The following PLIN3 variants were observed in gnomAD, a reference collection of about 807,000 sequenced individuals.
PLIN3 encodes the protein perilipin 3, also known as perilipin-3.
In PLIN3, 30 loss-of-function variants were observed where a neutral mutation model predicts 35.9. The ratio of observed to expected loss-of-function variants is 0.84; its 90% CI spans 0.62 to 1.13. The LOEUF is 1.13. PLIN3 is among the 50% of genes most tolerant of loss of function. PLIN3 has a pLI of 0.00. For synonymous variants in PLIN3, 261 were observed against 262.5 expected (o/e 0.99, Z 0.06); for missense variants, 603 against 596.9 (o/e 1.01, Z -0.11).
intron 7 of PLIN3, among the ~76,000 whole-genome samples, chr19:4,843,184 T>C (rs2029960291): frequency 6.6e-6 from 1 of 151,358 alleles, no homozygotes; most frequent in South Asian, 2.1e-4. Context: ...ATTGTGCCAC[T>C]GCACTCCAGC....
intron 7 of PLIN3, among the ~76,000 whole-genome samples, chr19:4,842,302 G>A (rs1448030625): frequency 1.3e-5 from 2 of 152,044 alleles, no homozygotes; most frequent in African/African-American, 2.4e-5. Context: ...GGTTGCAGGC[G>A]CCTGTAATCC....
intron 6 of PLIN3, among the ~76,000 whole-genome samples, chr19:4,845,358 G>A (rs1568373830): frequency 1.3e-5 from 2 of 151,960 alleles, no homozygotes; most frequent in African/African-American, 2.4e-5. Context: ...CCTGGGAGGC[G>A]GAGGTTGCAG....
intron 5 of PLIN3, among the ~76,000 whole-genome samples, chr19:4,850,702 T>C (rs1686344916): frequency 6.7e-6 from 1 of 149,734 alleles, no homozygotes; most frequent in Admixed American, 6.8e-5. Context: ...CCCAAAGTGC[T>C]GGGATTACAG....
intron 7 of PLIN3, among the ~76,000 whole-genome samples, chr19:4,843,285 T>G (rs2029967226): frequency 6.6e-6 from 1 of 151,682 alleles, no homozygotes; most frequent in South Asian, 2.1e-4. Context: ...GGCGGGCGGA[T>G]CACAAGGTCA....
At chr19:4,858,430 T>C (rs1179862905) in intron 4 of PLIN3, among the ~76,000 whole-genome samples, 1 of 151,430 alleles carries the variant, frequency 6.6e-6, no homozygotes, top group Non-Finnish European at 1.5e-5. Flanking sequence ...CAGGCTGGAG[T>C]GTAGTGGCGC....
chr19:4,843,322 C>G (rs192397496), intron 7 of PLIN3, among the ~76,000 whole-genome samples: 96 of 151,960 alleles, frequency 6.3e-4, no homozygotes, highest in African/African-American at 2.1e-3. Flanking sequence ...CCGGGTAACA[C>G]GGTGAAATCG....
rs777963093 is a variant in PLIN3, at chr19:4,852,308, GATGCA to G, written c.349-12_349-8del. 6.9e-6 allele frequency: 11 copies of G among 1,598,416 alleles called. No individual in the cohort carries two copies. The South Asian group carries it at 1.2e-4, about 18-fold the overall frequency. ...CCTTGGTGTCCGCCAGGACCTAGGA[GATGCA>G]ACAGCATCAGCATCTCTGCCTTCCC... On this transcript the variant is annotated splice_polypyrimidine_tract_variant and splice_region_variant and intron_variant, in intron 4 of 7. Coordinates refer to ENST00000221957, the MANE Select transcript of PLIN3 (RefSeq NM_005817.5).
At chr19:4,858,583 T>C (rs1300200932) in intron 4 of PLIN3, among the ~76,000 whole-genome samples, 2 of 151,126 alleles carry the variant, frequency 1.3e-5, no homozygotes, top group South Asian at 2.1e-4. Context: ...GGGGTTTCAC[T>C]GTGTTTGCCA....
In PLIN3 at chr19:4,839,193, T is replaced by C. The variant is rs773555102; in HGVS notation, c.1304A>G (p.Ter435TrpextTer31). The C allele has an allele frequency of 1.3e-6, 2 of 1,598,934 alleles. No individual in the cohort carries two copies. Among genetic ancestry groups the C allele is most frequent in the Middle Eastern group, 3.3e-4 (2 of 6,012 alleles). Residue 435 changes from the stop codon to tryptophan (W), a stop_lost, in exon 8 of 8, where the codon TAG (stop) becomes TGG (tryptophan). Coordinates refer to ENST00000221957, the MANE Select transcript of PLIN3 (RefSeq NM_005817.5). ...CCCGCTGAGTCCTCTCCTCTCCCCC[T>C]ACTTCTTCTCCTCCGGGGCTTTCTC... ...ITEKAPEEKK* is the reference protein window; with the variant it reads ...ITEKAPEEKKW
At position 4,839,347 on chromosome 19, in the gene PLIN3, T is replaced by C; in HGVS notation, c.1150A>G (p.Ser384Gly). 6.2e-7 allele frequency: 1 copy of C among 1,614,004 alleles called. No individual in the cohort carries two copies. The highest frequency in any genetic ancestry group is 1.7e-5 in the Admixed American group (1 of 60,006). Residue 384 changes from serine to glycine, a missense_variant, in exon 8 of 8, where the codon AGC (serine) becomes GGC (glycine). By Grantham distance (56) the Ser-to-Gly change is moderately conservative (BLOSUM62 0). Coordinates refer to ENST00000221957, the MANE Select transcript of PLIN3 (RefSeq NM_005817.5). The part of the protein sequence containing the change: ...SSIHSFQDLS[S>G]SILAQSRERV... ...TCACGGCTCTGGGCCAGAATGCTGC[T>C]GGACAGGTCCTGGAAGGAGTGGATG...
At position 4,863,079 on chromosome 19, in the gene PLIN3, C is replaced by T. The variant is rs569294923; in HGVS notation, c.-17-1668G>A. On this transcript the variant is annotated intron_variant, in intron 1 of 7. Coordinates refer to ENST00000221957, the MANE Select transcript of PLIN3 (RefSeq NM_005817.5). ...GGCTGAGGCAGGAGAATCGCTTGAA[C>T]CCAGGAGGCGGAGGTTGCAGTGAGG... is the stretch of plus-strand genomic sequence containing the variant. Among the ~76,000 whole-genome samples, 518 of 152,206 alleles carry T rather than the reference C, an allele frequency of 3.4e-3. 7 individuals are homozygous for T. Among genetic ancestry groups the T allele is most frequent in the Middle Eastern group, 0.031 (9 of 292 alleles).
rs769843955 is a variant in PLIN3, at chr19:4,839,487, A to G, written c.1010T>C (p.Leu337Pro). 89 of 1,550,702 alleles carry G rather than the reference A, an allele frequency of 5.7e-5. No individual in the cohort carries two copies. The highest frequency in any genetic ancestry group is 7.4e-5 in the Non-Finnish European group (85 of 1,143,464). ...CCCCAGGGAGGTACAGGTGGCCTGC[A>G]GTTGCTGGGCAATGTCCCGGAACAT... ...LTMFRDIAQQ[L>P]QATCTSLGSS... The change falls in exon 8 of 8, where the codon CTG becomes CCG. Residue 337 changes from leucine to proline, a missense_variant. Physicochemically the swap from Leu to Pro is moderately conservative, Grantham distance 98 (BLOSUM62 -3). Coordinates refer to ENST00000221957, the MANE Select transcript of PLIN3 (RefSeq NM_005817.5).
chr19:4,861,914 T>C (rs2146215772), intron 1 of PLIN3, among the ~76,000 whole-genome samples: 1 of 151,340 alleles, frequency 6.6e-6, no homozygotes, highest in African/African-American at 2.4e-5. Flanking sequence ...ATTACAGGTG[T>C]GAGCCACCAC....
intron 1 of PLIN3, chr19:4,867,154 C>G (rs1243459966): frequency 6.6e-6 from 1 of 152,276 alleles, no homozygotes; most frequent in Non-Finnish European, 1.5e-5. Flanking sequence ...CCACCCCCAC[C>G]CGTGGCAAAA....
rs1481784049 is a variant in PLIN3 at position 4,838,938 on chromosome 19, G to A, written c.*254C>T. ...TCTGCAGGGGAGAACTTTCCTGAAAGATATTTTTTCTGGACATCTCTCTCT... is the reference window on the plus strand; with the variant it reads ...TCTGCAGGGGAGAACTTTCCTGAAAAATATTTTTTCTGGACATCTCTCTCT... On this transcript the variant is annotated 3_prime_UTR_variant, in exon 8 of 8. Transcript: ENST00000221957. The A allele has an allele frequency of 5.7e-6, 2 of 353,432 alleles. No individual in the cohort carries two copies. The highest frequency in any genetic ancestry group is 4.2e-5 in the African/African-American group (2 of 47,944). The allele number at this position is 353,432 out of a possible 1,614,324, so 21.9% of individuals were successfully genotyped here.
At chr19:4,844,911 A>AG (rs2030036381) in intron 6 of PLIN3, 118 bp from the exon 7 acceptor site, 6 of 1,174,462 alleles carry the variant, frequency 5.1e-6, no homozygotes, top group Non-Finnish European at 7.0e-6. Context: ...GAAAAGAGAA[A>AG]GGGAGGGAGG....
intron 7 of PLIN3, among the ~76,000 whole-genome samples, chr19:4,840,388 C>T (rs1018508548): frequency 6.6e-6 from 1 of 152,070 alleles, no homozygotes; most frequent in Non-Finnish European, 1.5e-5. Context: ...TTCAGCCTGC[C>T]TGACTACAGG....
chr19:4,854,405 T>C (rs2030403799), intron 4 of PLIN3, among the ~76,000 whole-genome samples: 2 of 37,566 alleles, frequency 5.3e-5, no homozygotes, highest in East Asian at 9.9e-4. Context: ...TTTTTTGTTT[T>C]TGTTTTTGTT....
At chr19:4,867,224 G>T (rs1015268970) in intron 1 of PLIN3, 1 of 152,220 alleles carries the variant, frequency 6.6e-6, no homozygotes, top group African/African-American at 2.4e-5. Context: ...CCCCAGAAGG[G>T]AGGGCGGAGA....
Sources: gnomAD v4.1 joint callset for allele counts (sites outside exome capture counted in the v4.1 genomes callset) on GRCh38, gnomAD v4.1.1 for gene constraint, MANE v1.5 for transcripts, NCBI Gene and HGNC (gene_info 2026-07-23, HGNC 2026-07-21) for gene names.